The following DNAH5 variants were observed in gnomAD, a reference collection of about 807,000 sequenced individuals.
The protein encoded by DNAH5 is axonemal beta dynein heavy chain 5.
DNAH5 carries 372 observed loss-of-function variants against 518.2 expected under a neutral mutation model. That is an observed-to-expected ratio of 0.72 (90% CI 0.66 to 0.78). DNAH5 has a LOEUF of 0.78. DNAH5 is among the 30% of genes least tolerant of loss of function. The probability of loss-of-function intolerance (pLI) is 0.00; values close to 1 mark genes in which losing one functional copy is unlikely to be tolerated. For synonymous variants in DNAH5, 2,039 were observed against 2,025.9 expected (o/e 1.01, Z -0.17); for missense variants, 5,523 against 5,687.0 (o/e 0.97, Z 0.93).
chr5:13,898,053 C>T (rs1451300214), intron 15 of DNAH5: 1 of 152,232 alleles, frequency 6.6e-6, no homozygotes, highest in Non-Finnish European at 1.5e-5. Context: ...CTGGAGTGTA[C>T]CTTCCAGCTT....
intron 78 of DNAH5, among the ~76,000 whole-genome samples, chr5:13,699,533 G>A (rs1391349099): frequency 6.6e-6 from 1 of 152,156 alleles, no homozygotes; most frequent in African/African-American, 2.4e-5. Context: ...AATCAACATG[G>A]TGAAGCCCTG....
intron 37 of DNAH5, 86 bp downstream of exon 37, chr5:13,829,940 G>A (rs1448712161): frequency 8.6e-7 from 1 of 1,159,238 alleles, no homozygotes; most frequent in Admixed American, 1.9e-5. Context: ...TTCCATTCAG[G>A]AAAACAGATG....
rs779954553 is a variant in DNAH5 at position 13,830,638 on chromosome 5, G to A, written c.6020C>T (p.Ser2007Leu). Reference sequence around the variant, plus strand: ...AAGTCCTCGGAAATCCATCTGGTCTGAACAATTGAAAACCACGACGTATTT... The same window carrying A: ...AAGTCCTCGGAAATCCATCTGGTCTAAACAATTGAAAACCACGACGTATTT... ...LGKYVVVFNC[S>L]DQMDFRGLGR... Residue 2007 changes from serine (S) to leucine (L), a missense_variant, in exon 36 of 79, where the codon TCA becomes TTA. Physicochemically the swap from Ser to Leu is moderately radical, Grantham distance 145 (BLOSUM62 -2). Around this residue, in one of 3 missense-constraint regions of DNAH5, gnomAD observed 5,121 missense variants for 5,223.3 expected, o/e 0.98. Transcript: ENST00000265104. 6.2e-7 allele frequency: 1 copy of A among 1,614,166 alleles called. No homozygotes were observed. The highest frequency in any genetic ancestry group is 1.1e-5 in the South Asian group (1 of 91,082).
intron 7 of DNAH5, among the ~76,000 whole-genome samples, chr5:13,918,573 C>A (rs931707101): frequency 1.3e-5 from 2 of 152,154 alleles, no homozygotes; most frequent in African/African-American, 4.8e-5. Flanking sequence ...CGGGTTCAAG[C>A]GATTCTTCTG....
intron 65 of DNAH5, among the ~76,000 whole-genome samples, chr5:13,738,977 A>C (rs1747999754): frequency 6.6e-6 from 1 of 152,176 alleles, no homozygotes; most frequent in African/African-American, 2.4e-5. Context: ...ATTCATTATA[A>C]GTAAAATACG....
intron 16 of DNAH5, among the ~76,000 whole-genome samples, chr5:13,893,557 C>T (rs969228664): frequency 1.3e-5 from 2 of 152,026 alleles, no homozygotes; most frequent in African/African-American, 4.8e-5. Flanking sequence ...TTTTTCCCCA[C>T]GCAACTCCTT....
intron 1 of DNAH5, among the ~76,000 whole-genome samples, chr5:13,934,600 T>C (rs1347835452): frequency 6.6e-6 from 1 of 152,148 alleles, no homozygotes; most frequent in East Asian, 1.9e-4. Flanking sequence ...ATGGTAGTAA[T>C]AGAGAGGAAA....
At chr5:13,864,893 G>A (rs141812268) in intron 27 of DNAH5, among the ~76,000 whole-genome samples, 59 of 152,144 alleles carry the variant, frequency 3.9e-4, no homozygotes, top group Non-Finnish European at 6.9e-4. Flanking sequence ...ATTTTAGAGC[G>A]TAGAGGTGCT....
chr5:13,766,169 G>A lies in DNAH5; in HGVS notation c.9908C>T (p.Pro3303Leu). 6.2e-7 allele frequency: 1 copy of A among 1,614,188 alleles called. No individual in the cohort carries two copies. Among genetic ancestry groups the A allele is most frequent in the Non-Finnish European group, 8.5e-7 (1 of 1,180,012 alleles). Residue 3303 changes from proline (P) to leucine (L), a missense_variant, in exon 59 of 79, where the codon CCT becomes CTT. Transcript: ENST00000265104. Reference sequence around the variant, plus strand: ...CGTGCGAACAGTGGCGATGTCCGAAGGCCTGATGGTCTGGGGGATGAAAGG... The same window carrying A: ...CGTGCGAACAGTGGCGATGTCCGAAAGCCTGATGGTCTGGGGGATGAAAGG... The part of the protein sequence containing the change: ...EAEAALQTIR[P>L]SDIATVRTLG...
chr5:13,932,930 C>A lies in DNAH5; in HGVS notation c.58-1686G>T, dbSNP rs543201159. The stretch of plus-strand genomic sequence containing the variant: ...CTGCATTGCAGATACAGATAACATG[C>A]AGGTTCTCAATTTAGCACGATGACT... On this transcript the variant is annotated intron_variant, in intron 1 of 78. Coordinates refer to ENST00000265104, the MANE Select transcript of DNAH5 (RefSeq NM_001369.3). Among the ~76,000 whole-genome samples the A allele has an allele frequency of 3.9e-5, 6 of 152,338 alleles. No individual in the cohort carries two copies. In the South Asian group the frequency reaches 1.2e-3, roughly 32 times the overall value.
intron 56 of DNAH5, among the ~76,000 whole-genome samples, chr5:13,769,915 T>C (rs139124724): frequency 6.6e-6 from 1 of 152,330 alleles, no homozygotes; most frequent in Non-Finnish European, 1.5e-5. Flanking sequence ...TTAATGACAT[T>C]AGGCTAAATG....
chr5:14,007,562 A>T (rs1784804541), intron 1 of DNAH5, among the ~76,000 whole-genome samples: 1 of 152,234 alleles, frequency 6.6e-6, no homozygotes, highest in Non-Finnish European at 1.5e-5. Context: ...CTATTACCCC[A>T]TCTGGGATAG....
intron 1 of DNAH5, among the ~76,000 whole-genome samples, chr5:13,990,480 G>A (rs975598453): frequency 5.9e-5 from 9 of 152,206 alleles, no homozygotes; most frequent in African/African-American, 1.7e-4. Flanking sequence ...GTGAACCCGG[G>A]AGGCAGAGCT....
chr5:13,724,395 G>A (rs967176041), intron 70 of DNAH5, among the ~76,000 whole-genome samples: 1 of 152,312 alleles, frequency 6.6e-6, no homozygotes, highest in East Asian at 1.9e-4. Flanking sequence ...TACTACCATT[G>A]TATCTTGGGA....
At chr5:13,822,617 C>T (rs1762371851) in intron 40 of DNAH5, among the ~76,000 whole-genome samples, 3 of 152,162 alleles carry the variant, frequency 2.0e-5, no homozygotes. Context: ...GAGCTAATCA[C>T]CACTTCTATA....
chr5:13,844,759 G>A (rs949168104), intron 32 of DNAH5, 78 bp downstream of exon 32: 23 of 1,588,766 alleles, frequency 1.4e-5, no homozygotes, highest in South Asian at 5.5e-5. Flanking sequence ...TTATAAACCC[G>A]TTTTCGAAGA....
intron 1 of DNAH5, among the ~76,000 whole-genome samples, chr5:13,963,578 A>AAAATAAAT (rs148032042): frequency 3.6e-4 from 54 of 150,566 alleles, no homozygotes; most frequent in Admixed American, 9.9e-4. Context: ...ACTCTATCTC[A>AAAATAAAT]AAATAAATAA....
chr5:13,982,399 G>C (rs565825892), intron 1 of DNAH5, among the ~76,000 whole-genome samples: 1 of 152,324 alleles, frequency 6.6e-6, no homozygotes, highest in East Asian at 1.9e-4. Context: ...TGAGTGAGTA[G>C]ACATATGCAC....
At chr5:13,874,631 C>T (rs1049518648) in intron 22 of DNAH5, among the ~76,000 whole-genome samples, 2 of 152,230 alleles carry the variant, frequency 1.3e-5, no homozygotes, top group South Asian at 2.1e-4. Flanking sequence ...AAATCTTATG[C>T]CTCAGCCTAA....
Sources: allele counts gnomAD v4.1 joint callset (sites outside exome capture counted in the v4.1 genomes callset), GRCh38; gene constraint gnomAD v4.1.1; regional missense constraint gnomAD v4.1.1; transcripts MANE v1.5; gene names NCBI Gene and HGNC (gene_info 2026-07-23, HGNC 2026-07-21).